The following DDX52 variants were observed in gnomAD, a reference collection of about 807,000 sequenced individuals.
The protein encoded by DDX52 is probable ATP-dependent RNA helicase DDX52.
DDX52 carries 59 observed loss-of-function variants against 76.1 expected under a neutral mutation model. The ratio of observed to expected loss-of-function variants is 0.78; its 90% confidence interval spans 0.63 to 0.96. DDX52 has a LOEUF of 0.96. DDX52 is among the 40% of genes least tolerant of loss of function. The pLI, the probability that DDX52 is intolerant of heterozygous loss-of-function variation, is 0.00. For synonymous variants in DDX52, 231 were observed against 244.1 expected, an observed-to-expected ratio of 0.95 and a Z score of 0.50; for missense variants, 707 against 703.9, an observed-to-expected ratio of 1.00 and a Z score of -0.05.
chr17:37,643,276 A>C, intron 1 of DDX52, 58 bp downstream of exon 1: 1 of 1,554,300 alleles, frequency 6.4e-7, no homozygotes, highest in Non-Finnish European at 8.8e-7. Flanking sequence ...CAGCGGGTTC[A>C]TTCCCGGGCT....
chr17:37,618,145 T>TA, intron 14 of DDX52, 147 bp downstream of exon 14: 1 of 620,830 alleles, frequency 1.6e-6, no homozygotes, highest in Non-Finnish European at 2.6e-6. Flanking sequence ...TTCCCAATTA[T>TA]AGGCAACCTA....
chr17:37,632,397 C>A, intron 3 of DDX52, 99 bp from the exon 4 acceptor site: 1 of 1,373,660 alleles, frequency 7.3e-7, no homozygotes. Flanking sequence ...TAACCTTTAG[C>A]AGCATATGAA....
At chr17:37,618,241 CTAT>C (rs751576989) in intron 14 of DDX52, 48 bp downstream of exon 14, 1 of 1,433,076 alleles carries the variant, frequency 7.0e-7, no homozygotes, top group South Asian at 1.3e-5. Context: ...ATAATGCCTA[CTAT>C]AACTTTATGA....
chr17:37,642,093 A>G lies in DDX52; in HGVS notation c.286+17T>C. The G allele has an allele frequency of 6.2e-7, 1 of 1,610,036 alleles. No homozygotes were observed. Among genetic ancestry groups the G allele is most frequent in the Admixed American group, 1.7e-5 (1 of 58,738 alleles). ...AAAAATTAAAGAGAAAAAACATGAC[A>G]GAAATCAAACACTAACCTGAAGTCA... On this transcript the variant is annotated intron_variant, in intron 2 of 14. Coordinates refer to ENST00000617633, the MANE Select transcript of DDX52 (RefSeq NM_007010.5).
Position 37,632,355 on chromosome 17 carries a change from A to G in DDX52, c.418-57T>C. The G allele has an allele frequency of 2.5e-6, 4 of 1,587,486 alleles. No individual in the cohort carries two copies. The Admixed American group carries it at 5.1e-5, about 20-fold the overall frequency. On this transcript the variant is annotated intron_variant, in intron 3 of 14. Coordinates refer to ENST00000617633, the MANE Select transcript of DDX52 (RefSeq NM_007010.5). ...TATGGCCAAATAAATACATTCTCAG[A>G]TGTTATAAAGCAACATTAACAGTTT...
chr17:37,642,717 C>CA (rs2031259279), intron 1 of DDX52: 1 of 202,730 alleles, frequency 4.9e-6, no homozygotes, highest in South Asian at 9.3e-5. Context: ...AGTTCATACT[C>CA]ACCAGTTAGA....
rs149952269 is a variant in DDX52 at position 37,643,396 on chromosome 17, G to A, written c.25C>T (p.Arg9Trp). 2.1e-5 allele frequency: 34 copies of A among 1,613,826 alleles called. No homozygotes were observed. The highest frequency in any genetic ancestry group is 4.4e-5 in the South Asian group (4 of 91,086). MDVHDLFR[R>W]LGAGAKFDTR... ...TCGAATTTGGCCCCCGCGCCGAGCC[G>A]GCGAAAGAGATCGTGGACGTCCATC... The change falls in exon 1 of 15, where the codon CGG becomes TGG. Residue 9 changes from arginine (R) to tryptophan (W), a missense_variant. Physicochemically the swap from Arg to Trp is moderately radical, Grantham distance 101. Coordinates refer to ENST00000617633, the MANE Select transcript of DDX52 (RefSeq NM_007010.5).
At position 37,610,984 on chromosome 17, in the gene DDX52, C is replaced by CA. The variant is rs1295946386; in HGVS notation, c.*3311dup. On this transcript the variant is annotated 3_prime_UTR_variant, in exon 15 of 15. Transcript: ENST00000617633. ...TACAGGTTACTGTAGATACTTTAAA[C>CA]AGACACAATAAAGTCAAGGATCATA... is the stretch of plus-strand genomic sequence containing the variant. 6.6e-6 allele frequency: 1 copy of CA among 152,232 alleles called. No homozygotes were observed. Among genetic ancestry groups the CA allele is most frequent in the African/African-American group, 2.4e-5 (1 of 41,462 alleles). 9.4% of individuals were successfully genotyped at this position (152,232 alleles called of 1,614,324 possible).
chr17:37,624,316 A>G, intron 9 of DDX52, 28 bp downstream of exon 9: 6 of 1,584,460 alleles, frequency 3.8e-6, no homozygotes, highest in Non-Finnish European at 5.2e-6. Flanking sequence ...AAACTTTACC[A>G]AAATTCAAGA....
intron 14 of DDX52, 116 bp downstream of exon 14, chr17:37,618,176 G>A (rs1003957060): frequency 4.4e-5 from 33 of 741,942 alleles, no homozygotes; most frequent in Admixed American, 2.5e-4. Flanking sequence ...TTTTTATAAC[G>A]TTTTATAACA....
intron 5 of DDX52, among the ~76,000 whole-genome samples, chr17:37,629,040 A>T (rs2030538530): frequency 6.6e-6 from 1 of 151,998 alleles, no homozygotes; most frequent in African/African-American, 2.4e-5. Flanking sequence ...CAACGTGGTA[A>T]AACCCCATCT....
intron 9 of DDX52, 197 bp downstream of exon 9, chr17:37,624,147 A>G: frequency 2.7e-6 from 1 of 376,188 alleles, no homozygotes; most frequent in Non-Finnish European, 4.7e-6. Flanking sequence ...CTTCTTAACC[A>G]TTTACTCCTA....
At chr17:37,628,490 A>T in intron 6 of DDX52, 71 bp downstream of exon 6, 2 of 1,261,400 alleles carry the variant, frequency 1.6e-6, no homozygotes, top group South Asian at 2.6e-5. Context: ...ACACTTACAT[A>T]GCAATTAGGA....
intron 4 of DDX52, 67 bp downstream of exon 4, chr17:37,632,046 G>A (rs2030705447): frequency 1.9e-6 from 3 of 1,599,434 alleles, no homozygotes; most frequent in Admixed American, 1.7e-5. Context: ...TTCAAGAAGA[G>A]AGGGAAGAGA....
chr17:37,638,956 G>A (rs2031059645), intron 2 of DDX52, among the ~76,000 whole-genome samples: 1 of 151,804 alleles, frequency 6.6e-6, no homozygotes, highest in South Asian at 2.1e-4. Flanking sequence ...ATTTTTAGTA[G>A]AGACGGAGTT....
chr17:37,632,774 T>G (rs184755979), intron 3 of DDX52, among the ~76,000 whole-genome samples: 1 of 152,324 alleles, frequency 6.6e-6, no homozygotes, highest in East Asian at 1.9e-4. Context: ...TAGTAATCCC[T>G]GAAGTGAGCT....
chr17:37,619,903 C>A lies in DDX52; in HGVS notation c.1578-64G>T, dbSNP rs74844929. 1.3e-3 allele frequency: 2,017 copies of A among 1,526,008 alleles called. 26 individuals carry two copies. In the East Asian group the frequency reaches 0.03, roughly 23 times the overall value. 94.5% of individuals were successfully genotyped at this position (1,526,008 alleles called of 1,614,324 possible). ...CTAAATTGATGTTTATGAATGTAAACCCTCTGCACAACCTTACAGGGAACT... is the reference window on the plus strand; with the variant it reads ...CTAAATTGATGTTTATGAATGTAAAACCTCTGCACAACCTTACAGGGAACT... On this transcript the variant is annotated intron_variant, in intron 12 of 14. Coordinates refer to ENST00000617633, the MANE Select transcript of DDX52 (RefSeq NM_007010.5).
chr17:37,628,647 G>C lies in DDX52; in HGVS notation c.773C>G (p.Ser258Cys). ...SQIHRELIKI[S>C]EGTGFRIHMI... Reference sequence around the variant, plus strand: ...GTGTATTCTGAATCCTGTTCCCTCAGAAATTTTTATTAACTCTCTGTGAAT... The same window carrying C: ...GTGTATTCTGAATCCTGTTCCCTCACAAATTTTTATTAACTCTCTGTGAAT... The change falls in exon 6 of 15, where the codon TCT becomes TGT. Residue 258 changes from serine to cysteine, a missense_variant. Ser to Cys is a moderately radical substitution (Grantham distance 112). Coordinates refer to ENST00000617633, the MANE Select transcript of DDX52 (RefSeq NM_007010.5). 6.3e-7 allele frequency: 1 copy of C among 1,598,132 alleles called. No individual in the cohort carries two copies. The highest frequency in any genetic ancestry group is 8.5e-7 in the Non-Finnish European group (1 of 1,175,166).
intron 1 of DDX52, 127 bp from the exon 2 acceptor site, chr17:37,642,435 T>C (rs2031249437): frequency 1.9e-6 from 2 of 1,075,592 alleles, no homozygotes; most frequent in Non-Finnish European, 2.7e-6. Context: ...CTAACAGGTG[T>C]CTGGACAAAT....
Sources: gnomAD v4.1 joint callset for allele counts (sites outside exome capture counted in the v4.1 genomes callset) on GRCh38, gnomAD v4.1.1 for gene constraint, MANE v1.5 for transcripts, NCBI Gene and HGNC (gene_info 2026-07-23, HGNC 2026-07-21) for gene names.